Variants in LRFN5 observed in about 807,000 individuals in gnomAD.
LRFN5 encodes leucine-rich repeat and fibronectin type-III domain-containing protein 5.
Under a neutral mutation model 45.6 loss-of-function variants are expected in LRFN5, and 24 were observed. That is an observed-to-expected ratio of 0.53 (90% CI 0.38 to 0.74). The LOEUF (loss-of-function observed/expected upper bound fraction) is 0.74, where lower values mean the gene tolerates loss of function less well. Among genes scored for constraint, LRFN5 ranks in the 30% least tolerant of loss-of-function variants. The pLI is 0.00. For missense variants in LRFN5, 776 were observed against 861.5 expected (o/e 0.90, Z 1.24); for synonymous variants, 340 against 313.8 (o/e 1.08, Z -0.88).
chr14:41,740,801 G>C (rs999752744), intron 1 of LRFN5, among the ~76,000 whole-genome samples: 2 of 152,018 alleles, frequency 1.3e-5, no homozygotes, highest in African/African-American at 4.8e-5. Context: ...GTTTGCCAAT[G>C]AGGTGATTTT....
intron 1 of LRFN5, among the ~76,000 whole-genome samples, chr14:41,674,969 G>A (rs938240572): frequency 2.0e-5 from 3 of 151,548 alleles, no homozygotes; most frequent in Non-Finnish European, 2.9e-5. Flanking sequence ...CAGACGGGGC[G>A]GCAGGGCAAA....
chr14:41,756,732 C>T (rs1050669191), intron 1 of LRFN5, among the ~76,000 whole-genome samples: 10 of 152,028 alleles, frequency 6.6e-5, no homozygotes, highest in South Asian at 6.2e-4. Context: ...GTAGTTTGAT[C>T]GTCTGAAGCC....
intron 1 of LRFN5, among the ~76,000 whole-genome samples, chr14:41,685,966 TA>T (rs1328510772): frequency 1.3e-5 from 2 of 152,302 alleles, no homozygotes; most frequent in African/African-American, 2.4e-5. Context: ...TTTGATTCCA[TA>T]CGAAATTTAA....
rs574086979 is a variant in LRFN5 at position 41,756,523 on chromosome 14, A to C, written c.-196-10331A>C. On this transcript the variant is annotated intron_variant, in intron 1 of 5. Coordinates refer to ENST00000298119, the MANE Select transcript of LRFN5 (RefSeq NM_152447.5). ...CGCTTCATTTCATCTTCCATCACTG[A>C]TACCCTTTCTTCCAGTTGATCGAAT... is the stretch of plus-strand genomic sequence containing the variant. Among the ~76,000 whole-genome samples the C allele has an allele frequency of 7.9e-5, 12 of 152,000 alleles. No homozygotes were observed. The East Asian group carries it at 2.3e-3, about 29-fold the overall frequency.
At position 41,887,946 on chromosome 14, in the gene LRFN5, A is replaced by G; in HGVS notation, c.1321A>G (p.Ile441Val). The part of the protein sequence containing the change: ...ALLKFNFQRN[I>V]PGIRMFQIQY... Reference sequence around the variant, plus strand: ...ACTTAAATTTAATTTTCAAAGAAATATCCCTGGAATACGTATGTTTCAAAT... The same window carrying G: ...ACTTAAATTTAATTTTCAAAGAAATGTCCCTGGAATACGTATGTTTCAAAT... The change falls in exon 3 of 6, where the codon ATC becomes GTC. Residue 441 changes from isoleucine to valine, a missense_variant. Physicochemically the swap from Ile to Val is conservative, Grantham distance 29. Coordinates refer to ENST00000298119, the MANE Select transcript of LRFN5 (RefSeq NM_152447.5). This position sits in a 1 kb window ranked among gnomAD's most constrained non-coding sequence, Gnocchi z 4.8. The G allele has an allele frequency of 6.2e-7, 1 of 1,613,938 alleles. No homozygotes were observed. Among genetic ancestry groups the G allele is most frequent in the Non-Finnish European group, 8.5e-7 (1 of 1,179,858 alleles).
chr14:41,730,792 CA>C (rs1486379058), intron 1 of LRFN5, among the ~76,000 whole-genome samples: 1 of 150,970 alleles, frequency 6.6e-6, no homozygotes, highest in Non-Finnish European at 1.5e-5. Flanking sequence ...ATAAAGCCAC[CA>C]AAATGGTATG....
intron 1 of LRFN5, among the ~76,000 whole-genome samples, chr14:41,711,884 G>T (rs769864295): frequency 3.9e-5 from 6 of 152,174 alleles, no homozygotes; most frequent in Non-Finnish European, 7.4e-5. Context: ...GTGTGTGCAT[G>T]TGTATGCACA....
intron 2 of LRFN5, among the ~76,000 whole-genome samples, chr14:41,832,232 AT>A (rs1181684813): frequency 6.6e-6 from 1 of 152,030 alleles, no homozygotes; most frequent in Non-Finnish European, 1.5e-5. Context: ...ACAAATTTTT[AT>A]TTCTGAATTG....
intron 2 of LRFN5, among the ~76,000 whole-genome samples, chr14:41,812,163 A>G (rs961881994): frequency 3.0e-4 from 46 of 152,194 alleles, no homozygotes; most frequent in African/African-American, 1.0e-3. Flanking sequence ...AATTAAACTG[A>G]GTTATTACCT....
At chr14:41,708,951 G>A (rs1306284004) in intron 1 of LRFN5, among the ~76,000 whole-genome samples, 1 of 135,216 alleles carries the variant, frequency 7.4e-6, no homozygotes, top group Non-Finnish European at 1.6e-5. Context: ...GTATCCATCT[G>A]GTGTTCCCTA....
At chr14:41,862,425 T>C (rs976769343) in intron 2 of LRFN5, among the ~76,000 whole-genome samples, 1 of 152,234 alleles carries the variant, frequency 6.6e-6, no homozygotes, top group Admixed American at 6.5e-5. Flanking sequence ...AATTTTTTCT[T>C]TTATATTGTT....
rs1178331333 is a variant in LRFN5 at position 41,683,771 on chromosome 14, TA to T, written c.-197+75213del. Among the ~76,000 whole-genome samples, 14 of 152,142 alleles carry T rather than the reference TA, an allele frequency of 9.2e-5. No individual in the cohort carries two copies. In the East Asian group the frequency reaches 2.5e-3, roughly 27 times the overall value. ...TGAAACACCTTTACAATTAAAACTA[TA>T]AAACATTGATTAATGAAACTGAAGA... On this transcript the variant is annotated intron_variant, in intron 1 of 5. Coordinates refer to ENST00000298119, the MANE Select transcript of LRFN5 (RefSeq NM_152447.5).
At chr14:41,756,383 C>T (rs1885383077) in intron 1 of LRFN5, among the ~76,000 whole-genome samples, 1 of 152,216 alleles carries the variant, frequency 6.6e-6, no homozygotes, top group Admixed American at 6.5e-5. Context: ...TCCATTCTCC[C>T]CGTCATTTTT....
At chr14:41,797,618 T>G (rs1435887979) in intron 2 of LRFN5, among the ~76,000 whole-genome samples, 1 of 151,564 alleles carries the variant, frequency 6.6e-6, no homozygotes, top group Non-Finnish European at 1.5e-5. Context: ...AGACAAAAAG[T>G]TTTGGATTTT....
intron 1 of LRFN5, among the ~76,000 whole-genome samples, chr14:41,673,939 CG>C (rs1371701800): frequency 4.2e-5 from 6 of 141,980 alleles, no homozygotes; most frequent in East Asian, 2.3e-4. Context: ...GCTGGCTGGG[CG>C]GGGGGCTGAC....
intron 1 of LRFN5, among the ~76,000 whole-genome samples, chr14:41,668,942 C>G (rs763166013): frequency 6.6e-6 from 1 of 151,798 alleles, no homozygotes. Flanking sequence ...TGCACATACA[C>G]CTTGGTAATT....
chr14:41,873,367 G>A (rs971278351), intron 2 of LRFN5, among the ~76,000 whole-genome samples: 2 of 151,436 alleles, frequency 1.3e-5, no homozygotes, highest in Admixed American at 6.6e-5. Context: ...TTAATGCTCC[G>A]TTTTCCTAAG....
chr14:41,622,721 T>A (rs1304912827), intron 1 of LRFN5, among the ~76,000 whole-genome samples: 1 of 152,134 alleles, frequency 6.6e-6, no homozygotes, highest in Non-Finnish European at 1.5e-5. Flanking sequence ...CTTAAAAGTC[T>A]TAGGTAACTT....
At chr14:41,832,025 G>C (rs779909562) in intron 2 of LRFN5, among the ~76,000 whole-genome samples, 5 of 151,990 alleles carry the variant, frequency 3.3e-5, no homozygotes, top group African/African-American at 4.8e-5. Context: ...TACATCACAA[G>C]TGTCCCACCC....
Sources: allele counts gnomAD v4.1 joint callset (sites outside exome capture counted in the v4.1 genomes callset), GRCh38; gene constraint gnomAD v4.1.1; non-coding constraint Gnocchi (gnomAD v3.1); transcripts MANE v1.5; gene names NCBI Gene and HGNC (gene_info 2026-07-23, HGNC 2026-07-21).